Variants in LHPP observed in about 807,000 individuals in gnomAD.
The protein encoded by LHPP is phospholysine phosphohistidine inorganic pyrophosphate phosphatase, also known as hLHPP.
A neutral mutation model predicts 30.3 loss-of-function variants in LHPP; 24 were observed. The ratio of observed to expected loss-of-function variants is 0.79; its 90% CI spans 0.57 to 1.11. The LOEUF is 1.11. Among genes scored for constraint, LHPP ranks in the 50% most tolerant of loss-of-function variants. The pLI is 0.00. For missense variants in LHPP, 356 were observed against 367.2 expected (o/e 0.97, Z 0.25); for synonymous variants, 150 against 157.1 (o/e 0.95, Z 0.34).
intron 5 of LHPP, among the ~76,000 whole-genome samples, chr10:124,512,827 G>A (rs1428049513): frequency 6.6e-6 from 1 of 152,078 alleles, no homozygotes; most frequent in Non-Finnish European, 1.5e-5. Context: ...ACAGGAGTGA[G>A]TCTGTGCATC....
At chr10:124,462,806 T>TC (rs1471151914) in intron 1 of LHPP, among the ~76,000 whole-genome samples, 2 of 152,210 alleles carry the variant, frequency 1.3e-5, no homozygotes, top group Non-Finnish European at 2.9e-5. Flanking sequence ...CAAGTGATTC[T>TC]CCCCCTTCAG....
At chr10:124,610,857 CGGGTGA>C (rs140770595) in intron 6 of LHPP, among the ~76,000 whole-genome samples, 10 of 3,246 alleles carry the variant, frequency 3.1e-3, no homozygotes, top group East Asian at 0.031. Flanking sequence ...GTTGACGGAG[CGGGTGA>C]GGGTGAGGGT....
chr10:124,516,060 A>G (rs963642754), intron 5 of LHPP, among the ~76,000 whole-genome samples: 1 of 152,170 alleles, frequency 6.6e-6, no homozygotes, highest in Non-Finnish European at 1.5e-5. Flanking sequence ...ACTGGGCTCT[A>G]CCTGGGTTTC....
chr10:124,522,914 A>C (rs1954644427), intron 6 of LHPP, among the ~76,000 whole-genome samples: 1 of 152,140 alleles, frequency 6.6e-6, no homozygotes, highest in Non-Finnish European at 1.5e-5. Context: ...AGCCGCTGGC[A>C]CATCTGAGCC....
intron 1 of LHPP, among the ~76,000 whole-genome samples, chr10:124,463,154 C>T (rs934413745): frequency 6.6e-6 from 1 of 152,122 alleles, no homozygotes; most frequent in Non-Finnish European, 1.5e-5. Flanking sequence ...TAGGCGTGAG[C>T]CACATGCCCA....
chr10:124,470,681 C>CAACAAT lies in LHPP; in HGVS notation c.125+8696_125+8697insCAATAA, dbSNP rs1554877242. On this transcript the variant is annotated intron_variant, in intron 1 of 6. Transcript: ENST00000368842. Reference sequence around the variant, plus strand: ...ACAACAACAACAACAACAACAACAACAATAATAATAATGTAGGCTGTGGGC... The same window carrying CAACAAT: ...ACAACAACAACAACAACAACAACAACAACAATAATAATAATAATGTAGGCTGTGGGC... Among the ~76,000 whole-genome samples, 1,414 of 150,820 alleles carry CAACAAT rather than the reference C, an allele frequency of 9.4e-3. 25 individuals are homozygous for CAACAAT. The highest frequency in any genetic ancestry group is 0.033 in the African/African-American group (1,357 of 40,848).
At chr10:124,498,343 A>G (rs1830038812) in intron 5 of LHPP, 1 of 1,571,006 alleles carries the variant, frequency 6.4e-7, no homozygotes, top group Non-Finnish European at 8.6e-7. Flanking sequence ...TTCAGTATGA[A>G]AGCAAGAAGC....
At chr10:124,512,477 C>A (rs1251540962) in intron 5 of LHPP, among the ~76,000 whole-genome samples, 1 of 151,824 alleles carries the variant, frequency 6.6e-6, no homozygotes, top group African/African-American at 2.4e-5. Context: ...AACAGCGGGG[C>A]ATGGTGGCAG....
chr10:124,546,503 C>A (rs969125791), intron 6 of LHPP, among the ~76,000 whole-genome samples: 15 of 152,160 alleles, frequency 9.9e-5, no homozygotes, highest in Non-Finnish European at 2.1e-4. Flanking sequence ...CCTGGGTTCA[C>A]ACCATTCTCC....
intron 6 of LHPP, among the ~76,000 whole-genome samples, chr10:124,581,768 TACACAC>T (rs59904986): frequency 6.0e-5 from 6 of 100,814 alleles, no homozygotes; most frequent in Admixed American, 8.8e-5. Context: ...TATATGTATA[TACACAC>T]ACACACACAC....
chr10:124,516,571 T>C (rs1192448070), intron 5 of LHPP, among the ~76,000 whole-genome samples: 1 of 152,168 alleles, frequency 6.6e-6, no homozygotes, highest in Non-Finnish European at 1.5e-5. Flanking sequence ...TGATGTCCGG[T>C]GTCCTGAAAG....
chr10:124,495,071 A>C (rs1953662477), intron 3 of LHPP, among the ~76,000 whole-genome samples: 1 of 152,232 alleles, frequency 6.6e-6, no homozygotes, highest in Non-Finnish European at 1.5e-5. Flanking sequence ...AAGAAAAAGC[A>C]GTACTTTTTT....
chr10:124,600,347 G>C (rs1226096332), intron 6 of LHPP, among the ~76,000 whole-genome samples: 3 of 152,254 alleles, frequency 2.0e-5, no homozygotes, highest in Non-Finnish European at 4.4e-5. Flanking sequence ...CTTCGCCAAA[G>C]GCACAGAGGG....
At chr10:124,566,825 C>A (rs1948498790) in intron 6 of LHPP, among the ~76,000 whole-genome samples, 1 of 152,158 alleles carries the variant, frequency 6.6e-6, no homozygotes, top group African/African-American at 2.4e-5. Context: ...TGTTGGATTT[C>A]CCTGCACTTT....
intron 2 of LHPP, among the ~76,000 whole-genome samples, chr10:124,484,626 G>T (rs565940524): frequency 2.6e-4 from 39 of 151,508 alleles, no homozygotes; most frequent in African/African-American, 9.0e-4. Context: ...AGCGGCCAGG[G>T]AATTGTCAAG....
intron 6 of LHPP, 58 bp from the exon 7 acceptor site, chr10:124,613,206 T>C (rs1369497416): frequency 1.6e-6 from 2 of 1,259,072 alleles, no homozygotes; most frequent in East Asian, 4.6e-5. Context: ...GGAGGGTGGG[T>C]GTGGCTGCAG....
chr10:124,516,312 A>G (rs1256502726), intron 5 of LHPP, among the ~76,000 whole-genome samples: 2 of 152,284 alleles, frequency 1.3e-5, no homozygotes, highest in East Asian at 3.9e-4. Context: ...TTCCTCTGGT[A>G]AGGACAGCAG....
chr10:124,611,971 G>A (rs772471346), intron 6 of LHPP, among the ~76,000 whole-genome samples: 5 of 152,256 alleles, frequency 3.3e-5, no homozygotes, highest in Non-Finnish European at 7.4e-5. Context: ...GTTTGCAGAC[G>A]GGCCGCTCCC....
chr10:124,555,236 G>T (rs1389410630), intron 6 of LHPP, among the ~76,000 whole-genome samples: 2 of 152,212 alleles, frequency 1.3e-5, no homozygotes, highest in African/African-American at 4.8e-5. Context: ...CAGTAGTGGA[G>T]AACAGGCAGG....
Sources: gnomAD v4.1 joint callset for allele counts (sites outside exome capture counted in the v4.1 genomes callset) on GRCh38, gnomAD v4.1.1 for gene constraint, MANE v1.5 for transcripts, NCBI Gene and HGNC (gene_info 2026-07-23, HGNC 2026-07-21) for gene names.